LINGO1: variants seen among roughly 807,000 people sequenced by gnomAD.
LINGO1 encodes the protein leucine-rich repeat and immunoglobulin-like domain-containing nogo receptor-interacting protein 1.
LINGO1 carries 11 observed loss-of-function variants against 37.3 expected under a neutral mutation model. The ratio of observed to expected loss-of-function variants is 0.29; its 90% confidence interval spans 0.19 to 0.49. The LOEUF is 0.49. Ranked by LOEUF, LINGO1 falls within the 20% of genes least tolerant of loss-of-function variation. LINGO1 has a pLI of 0.99. For synonymous variants in LINGO1, 387 were observed against 403.0 expected, an observed-to-expected ratio of 0.96 and a Z score of 0.48; for missense variants, 585 against 878.2, an observed-to-expected ratio of 0.67 and a Z score of 4.22.
At chr15:77,757,281 G>T (rs527620237) in intron 1 of LINGO1, among the ~76,000 whole-genome samples, 1 of 152,330 alleles carries the variant, frequency 6.6e-6, no homozygotes, top group Non-Finnish European at 1.5e-5. Context: ...CCCAGGCTCT[G>T]GTCTGACAGG....
At chr15:77,676,868 C>T (rs2075336398) in intron 3 of LINGO1, among the ~76,000 whole-genome samples, 1 of 152,202 alleles carries the variant, frequency 6.6e-6, no homozygotes, top group South Asian at 2.1e-4. Flanking sequence ...GGAAGAATGG[C>T]TGAGGCGTGG....
chr15:77,635,421 C>T (rs2074377392), upstream of LINGO1, among the ~76,000 whole-genome samples: 1 of 152,138 alleles, frequency 6.6e-6, no homozygotes, highest in African/African-American at 2.4e-5. Flanking sequence ...ACTGGGTCCC[C>T]ACCCAGTTAC....
At chr15:77,743,148 C>T (rs2076281535) in intron 1 of LINGO1, among the ~76,000 whole-genome samples, 1 of 152,128 alleles carries the variant, frequency 6.6e-6, no homozygotes, top group Non-Finnish European at 1.5e-5. Context: ...GCTCTCCGGA[C>T]TACCCCCTAC....
chr15:77,772,584 G>GT (rs950487234), intron 1 of LINGO1, among the ~76,000 whole-genome samples: 3 of 152,180 alleles, frequency 2.0e-5, no homozygotes, highest in African/African-American at 7.2e-5. Flanking sequence ...GGGGGCTGGG[G>GT]TGGGGGGTCT....
At chr15:77,703,832 T>A (rs745892227) in intron 2 of LINGO1, among the ~76,000 whole-genome samples, 23 of 152,128 alleles carry the variant, frequency 1.5e-4, no homozygotes, top group Non-Finnish European at 2.7e-4. Context: ...TCAGGCCTAG[T>A]TGGCCTTCCT....
chr15:77,678,967 C>T (rs1256154629), intron 2 of LINGO1, among the ~76,000 whole-genome samples: 1 of 152,182 alleles, frequency 6.6e-6, no homozygotes, highest in Non-Finnish European at 1.5e-5. Flanking sequence ...GTGGCGCCAT[C>T]TCAGCTCAAT....
chr15:77,807,747 T>C (rs2141473804), intron 1 of LINGO1, among the ~76,000 whole-genome samples: 1 of 152,242 alleles, frequency 6.6e-6, no homozygotes, highest in South Asian at 2.1e-4. Context: ...TTTTGCCAAC[T>C]ATCACAGCTT....
upstream of LINGO1, among the ~76,000 whole-genome samples, chr15:77,698,161 G>A (rs1267298852): frequency 1.3e-5 from 2 of 152,140 alleles, no homozygotes; most frequent in Non-Finnish European, 2.9e-5. Flanking sequence ...GAGGGTTCTG[G>A]GAGGCAGAAA....
At chr15:77,708,555 A>C (rs573471564) in intron 2 of LINGO1, among the ~76,000 whole-genome samples, 1 of 152,342 alleles carries the variant, frequency 6.6e-6, no homozygotes, top group African/African-American at 2.4e-5. Context: ...ATTAGTTACA[A>C]GGAGGTCATA....
intron 1 of LINGO1, among the ~76,000 whole-genome samples, chr15:77,810,117 A>T (rs1351092532): frequency 6.6e-6 from 1 of 151,914 alleles, no homozygotes; most frequent in Non-Finnish European, 1.5e-5. Flanking sequence ...TGGACAGGAG[A>T]CCAGTCTCAG....
At chr15:77,619,670 GA>G (rs2073856343) in intron 1 of LINGO1, among the ~76,000 whole-genome samples, 1 of 151,070 alleles carries the variant, frequency 6.6e-6, no homozygotes, top group Admixed American at 6.6e-5. Context: ...CTGGGCAACA[GA>G]GCAAGACTCT....
At position 77,662,045 on chromosome 15, in the gene LINGO1, T is replaced by C. The variant is rs529680062; in HGVS notation, c.-13+15044A>G. ...GGGGCAAGAGGAGATGGTAGGTAGG[T>C]TGAGGCAAGAGCCACTTCCAGTACA... On this transcript the variant is annotated intron_variant, in intron 3 of 3. Coordinates refer to the LINGO1 transcript ENST00000559893. Among the ~76,000 whole-genome samples, 11 of 152,308 alleles carry C rather than the reference T, an allele frequency of 7.2e-5. No homozygotes were observed. In the East Asian group the frequency reaches 1.5e-3, roughly 21 times the overall value.
chr15:77,768,156 G>A (rs971446282), intron 1 of LINGO1, among the ~76,000 whole-genome samples: 3 of 152,146 alleles, frequency 2.0e-5, no homozygotes, highest in Non-Finnish European at 4.4e-5. Context: ...ACTGTCCTGT[G>A]TACACCCACC....
At chr15:77,678,666 C>T (rs755893783) in intron 2 of LINGO1, among the ~76,000 whole-genome samples, 6 of 152,132 alleles carry the variant, frequency 3.9e-5, no homozygotes, top group South Asian at 2.1e-4. Context: ...TTTTATTTCT[C>T]TTGGTTAAGC....
At chr15:77,796,209 C>T (rs2076871617) in intron 1 of LINGO1, among the ~76,000 whole-genome samples, 2 of 152,230 alleles carry the variant, frequency 1.3e-5, no homozygotes, top group Admixed American at 1.3e-4. Context: ...CATGCACACA[C>T]TTGCACACAC....
In LINGO1 at chr15:77,614,280, T is replaced by C. The variant is rs1162664857; in HGVS notation, c.1627A>G (p.Ser543Gly). 6.2e-7 allele frequency: 1 copy of C among 1,614,014 alleles called. No homozygotes were observed. Among genetic ancestry groups the C allele is most frequent in the Admixed American group, 1.7e-5 (1 of 60,030 alleles). ...GGGAAAGGCACAGTGGCGCGGGTGC[T>C]GTTGGCCTCTCCCTCGCCCGGCTGG... is the stretch of plus-strand genomic sequence containing the variant. Reference protein sequence around the residue: ...SNQPGEGEANSTRATVPFPFD... With the variant: ...SNQPGEGEANGTRATVPFPFD... Residue 543 changes from serine (S) to glycine (G), a missense_variant, in exon 2 of 2, where the codon AGC becomes GGC. Transcript: ENST00000355300.
At chr15:77,780,121 G>A (rs1261196775) in intron 1 of LINGO1, among the ~76,000 whole-genome samples, 1 of 152,218 alleles carries the variant, frequency 6.6e-6, no homozygotes, top group Non-Finnish European at 1.5e-5. Flanking sequence ...TTCGCAGCTG[G>A]CAGGTGGAAT....
intron 2 of LINGO1, among the ~76,000 whole-genome samples, chr15:77,792,183 G>A (rs889529374): frequency 6.6e-6 from 1 of 152,166 alleles, no homozygotes. Context: ...CCTGTTCCTC[G>A]GCTCGGGCCA....
At position 77,690,409 on chromosome 15, in the gene LINGO1, T is replaced by G. The variant is rs141745834; in HGVS notation, c.-99+311A>C. On this transcript the variant is annotated intron_variant, in intron 2 of 3. Coordinates refer to the LINGO1 transcript ENST00000559893. ...TTGACCATGTCATGCCAAATGCCAC[T>G]AAGCATGGAGCCATCACCAAGGAGA... Among the ~76,000 whole-genome samples the G allele has an allele frequency of 7.7e-3, 1,168 of 152,288 alleles. 22 individuals carry two copies. Among genetic ancestry groups the G allele is most frequent in the African/African-American group, 0.026 (1,081 of 41,556 alleles).
Sources: allele counts gnomAD v4.1 joint callset (sites outside exome capture counted in the v4.1 genomes callset), GRCh38; gene constraint gnomAD v4.1.1; transcripts MANE v1.5; gene names NCBI Gene and HGNC (gene_info 2026-07-23, HGNC 2026-07-21).